Variants in AOPEP observed in about 807,000 individuals in gnomAD.
AOPEP encodes aminopeptidase O.
Under a neutral mutation model 98.1 loss-of-function variants are expected in AOPEP, and 77 were observed. The observed-to-expected ratio is 0.78, with a 90% CI of 0.65 to 0.95. The LOEUF (loss-of-function observed/expected upper bound fraction) is 0.95, where lower values mean the gene tolerates loss of function less well. AOPEP is among the 40% of genes least tolerant of loss of function. The probability of loss-of-function intolerance (pLI) is 0.00; values close to 1 mark genes in which losing one functional copy is unlikely to be tolerated. For missense variants in AOPEP, 1,024 were observed against 1,024.7 expected (o/e 1.00, Z 0.01); for synonymous variants, 346 against 365.3 (o/e 0.95, Z 0.60).
At chr9:94,768,136 TAAAA>T (rs1840033192) in intron 2 of AOPEP, among the ~76,000 whole-genome samples, 3 of 152,166 alleles carry the variant, frequency 2.0e-5, no homozygotes, top group Non-Finnish European at 4.4e-5. Flanking sequence ...TGGAAACTTA[TAAAA>T]GATTCTGACC....
the AOPEP span, among the ~76,000 whole-genome samples, chr9:95,094,421 G>A: frequency 3.3e-5 from 5 of 152,266 alleles, no homozygotes; most frequent in East Asian, 3.9e-4. Context: ...AGCTCACCAC[G>A]ATCCGCCTGC....
intron 13 of AOPEP, among the ~76,000 whole-genome samples, chr9:95,033,311 G>C (rs551987634): frequency 5.9e-5 from 9 of 152,200 alleles, no homozygotes; most frequent in African/African-American, 2.2e-4. Flanking sequence ...TGCTCAGCAT[G>C]TCTCTCCATG....
intron 13 of AOPEP, among the ~76,000 whole-genome samples, chr9:95,043,745 G>C (rs2065575792): frequency 6.6e-6 from 1 of 152,094 alleles, no homozygotes; most frequent in Non-Finnish European, 1.5e-5. Flanking sequence ...GCACAGTGCA[G>C]CCTTAACCTT....
chr9:95,028,163 CAG>C (rs1225245693), intron 13 of AOPEP, among the ~76,000 whole-genome samples: 1 of 152,208 alleles, frequency 6.6e-6, no homozygotes, highest in Non-Finnish European at 1.5e-5. Context: ...AAAATAGTGA[CAG>C]AGATGATTTT....
At chr9:94,946,908 A>G (rs1460921647) in intron 7 of AOPEP, among the ~76,000 whole-genome samples, 2 of 152,054 alleles carry the variant, frequency 1.3e-5, no homozygotes, top group African/African-American at 4.8e-5. Context: ...TCATCCAGAA[A>G]GGAAGGACAA....
rs1010857487 is a variant in AOPEP at position 94,768,616 on chromosome 9, C to G, written c.798-4386C>G. On this transcript the variant is annotated intron_variant, in intron 2 of 16. Coordinates refer to ENST00000375315, the MANE Select transcript of AOPEP (RefSeq NM_001193329.3). The stretch of plus-strand genomic sequence containing the variant: ...TGATTGTTATTCTGACAAGTTCTTC[C>G]TCAATTTAGAAGTTCTTTAATGGCA... Among the ~76,000 whole-genome samples the G allele has an allele frequency of 2.6e-5, 4 of 152,306 alleles. No homozygotes were observed. The Middle Eastern group carries it at 0.01, about 389-fold the overall frequency.
the AOPEP span, among the ~76,000 whole-genome samples, chr9:95,136,418 T>C: frequency 2.6e-5 from 4 of 151,924 alleles, no homozygotes; most frequent in Non-Finnish European, 4.4e-5. Context: ...ATGGTAGTTA[T>C]GGCCTAGTTG....
the AOPEP span, among the ~76,000 whole-genome samples, chr9:95,126,267 C>T: frequency 1.3e-5 from 2 of 152,184 alleles, no homozygotes; most frequent in Non-Finnish European, 2.9e-5. Context: ...TAATGCCTAA[C>T]TCAATTCTGT....
the AOPEP span, chr9:95,111,157 G>A: frequency 2.6e-5 from 40 of 1,535,284 alleles, no homozygotes; most frequent in Admixed American, 5.9e-4. Flanking sequence ...CTTGGAGGAC[G>A]CGACCCTGGG....
chr9:95,039,455 C>G (rs1009309673), intron 13 of AOPEP, among the ~76,000 whole-genome samples: 1 of 152,082 alleles, frequency 6.6e-6, no homozygotes, highest in Non-Finnish European at 1.5e-5. Context: ...ACCTGTAGTT[C>G]CAGCAACTTG....
the AOPEP span, among the ~76,000 whole-genome samples, chr9:95,098,041 A>C: frequency 6.6e-6 from 1 of 152,222 alleles, no homozygotes; most frequent in Non-Finnish European, 1.5e-5. Context: ...GCGAGGGGAG[A>C]AGCACGGGGA....
chr9:95,080,961 T>A (rs2069683778), intron 15 of AOPEP, 181 bp downstream of exon 15: 4 of 604,506 alleles, frequency 6.6e-6, no homozygotes, highest in East Asian at 2.8e-5. Flanking sequence ...CCTCTCTCAA[T>A]GTCTTTGAAG....
At position 95,001,814 on chromosome 9, in the gene AOPEP, G is replaced by A. The variant is rs1473145690; in HGVS notation, c.1978-3344G>A. Among the ~76,000 whole-genome samples, 7 of 152,056 alleles carry A rather than the reference G, an allele frequency of 4.6e-5. No individual in the cohort carries two copies. The East Asian group carries it at 7.7e-4, about 17-fold the overall frequency. On this transcript the variant is annotated intron_variant, in intron 11 of 16. Transcript: ENST00000375315. Reference sequence around the variant, plus strand: ...TTTTTTTGAGGCAGGATCTCACTCTGTTGCCCAGGCTGGAGTGCAGTGGTG... The same window carrying A: ...TTTTTTTGAGGCAGGATCTCACTCTATTGCCCAGGCTGGAGTGCAGTGGTG...
At chr9:95,101,494 A>C in the AOPEP span, 317 of 620,214 alleles carry the variant, frequency 5.1e-4, no homozygotes, top group Admixed American at 1.1e-3. Flanking sequence ...TTGAGTCATT[A>C]GTGAACATGT....
intron 5 of AOPEP, among the ~76,000 whole-genome samples, chr9:94,846,192 T>C (rs2042845136): frequency 6.6e-6 from 1 of 152,032 alleles, no homozygotes; most frequent in Non-Finnish European, 1.5e-5. Flanking sequence ...TTGCGGAGCC[T>C]TCAGGATACA....
Position 95,010,680 on chromosome 9 carries a change from G to A in AOPEP, c.2115+5064G>A, listed in dbSNP as rs1003519398. ...TTGATTTCCATAGAAAAGCTTTATG[G>A]ATTCTAGTGAGTCACGGCTCTTGAA... On this transcript the variant is annotated intron_variant, in intron 13 of 16. Coordinates refer to ENST00000375315, the MANE Select transcript of AOPEP (RefSeq NM_001193329.3). 5.0e-4 allele frequency among the ~76,000 whole-genome samples: 76 copies of A among 152,128 alleles called. 4 individuals are homozygous for A. Among genetic ancestry groups the A allele is most frequent in the Non-Finnish European group, 4.4e-5 (3 of 68,028 alleles).
chr9:95,029,885 A>G (rs962229), intron 13 of AOPEP, among the ~76,000 whole-genome samples: 126,765 of 152,102 alleles, frequency 0.83, 53,292 homozygotes, highest in Non-Finnish European at 0.89. Flanking sequence ...CAGCACTCCT[A>G]AGTAGGGAGG....
At position 94,865,642 on chromosome 9, in the gene AOPEP, G is replaced by A. The variant is rs183620120; in HGVS notation, c.1365-58344G>A. Among the ~76,000 whole-genome samples, 8 of 152,260 alleles carry A rather than the reference G, an allele frequency of 5.3e-5. No individual in the cohort carries two copies. In the East Asian group the frequency reaches 1.5e-3, roughly 29 times the overall value. Reference sequence around the variant, plus strand: ...AAATGCCTTTTGCTTACCATTCTTAGCCTTATTTTTATATTCTTAATTTAA... The same window carrying A: ...AAATGCCTTTTGCTTACCATTCTTAACCTTATTTTTATATTCTTAATTTAA... On this transcript the variant is annotated intron_variant, in intron 5 of 16. Coordinates refer to ENST00000375315, the MANE Select transcript of AOPEP (RefSeq NM_001193329.3).
At chr9:94,932,885 C>T (rs1367452130) in intron 7 of AOPEP, 1 of 985,372 alleles carries the variant, frequency 1.0e-6, no homozygotes, top group Non-Finnish European at 1.2e-6. Flanking sequence ...TTGTATTTTC[C>T]TAGCCTTCTC....
Sources: allele counts gnomAD v4.1 joint callset (sites outside exome capture counted in the v4.1 genomes callset), GRCh38; gene constraint gnomAD v4.1.1; transcripts MANE v1.5; gene names NCBI Gene and HGNC (gene_info 2026-07-23, HGNC 2026-07-21).